PLXNC1: variants seen among roughly 807,000 people sequenced by gnomAD.
The protein encoded by PLXNC1 is plexin C1.
Under a neutral mutation model 178.2 loss-of-function variants are expected in PLXNC1, and 75 were observed. That is an observed-to-expected ratio of 0.42 (90% CI 0.35 to 0.51). PLXNC1 has a LOEUF of 0.51. PLXNC1 is among the 20% of genes least tolerant of loss of function. The pLI is 0.02. For missense variants in PLXNC1, 1,503 were observed against 1,984.4 expected (o/e 0.76, Z 4.61); for synonymous variants, 790 against 779.9 (o/e 1.01, Z -0.22).
At chr12:94,176,879 A>G (rs572790393) in intron 2 of PLXNC1, among the ~76,000 whole-genome samples, 26 of 152,022 alleles carry the variant, frequency 1.7e-4, no homozygotes, top group African/African-American at 6.0e-4. Flanking sequence ...TACATATTTC[A>G]TATAACTTTA....
At chr12:94,182,012 C>T (rs1349159475) in intron 3 of PLXNC1, among the ~76,000 whole-genome samples, 1 of 152,058 alleles carries the variant, frequency 6.6e-6, no homozygotes, top group Admixed American at 6.5e-5. Flanking sequence ...TATGGTACTC[C>T]CCCTCCCCCT....
intron 9 of PLXNC1, among the ~76,000 whole-genome samples, chr12:94,231,269 G>A (rs1050074489): frequency 6.6e-6 from 1 of 152,160 alleles, no homozygotes; most frequent in Non-Finnish European, 1.5e-5. Flanking sequence ...GGTATTTGAA[G>A]CAGAGGAACC....
chr12:94,154,425 T>G (rs761877008), intron 1 of PLXNC1, among the ~76,000 whole-genome samples: 3 of 152,214 alleles, frequency 2.0e-5, no homozygotes, highest in Non-Finnish European at 4.4e-5. Context: ...ACACGGCATT[T>G]TCTATGGGTC....
At chr12:94,178,885 A>T (rs938862817) in intron 2 of PLXNC1, among the ~76,000 whole-genome samples, 16 of 152,174 alleles carry the variant, frequency 1.1e-4, no homozygotes, top group Admixed American at 1.0e-3. Context: ...TTAGGACCTA[A>T]CTGCTTCTGT....
intron 15 of PLXNC1, chr12:94,254,481 C>T (rs1964786278): frequency 9.5e-6 from 5 of 525,122 alleles, no homozygotes; most frequent in Non-Finnish European, 1.8e-5. Flanking sequence ...ACGTTTCAGC[C>T]AACTGGGATC....
At chr12:94,163,411 G>A (rs1961467209) in intron 1 of PLXNC1, among the ~76,000 whole-genome samples, 1 of 152,016 alleles carries the variant, frequency 6.6e-6, no homozygotes, top group African/African-American at 2.4e-5. Context: ...CACGCTATCT[G>A]CCATTCATAT....
rs1377784242 is a variant in PLXNC1, at chr12:94,307,052, C to CTACTT, written c.*1770_*1774dup. On this transcript the variant is annotated 3_prime_UTR_variant, in exon 31 of 31. Coordinates refer to ENST00000258526, the MANE Select transcript of PLXNC1 (RefSeq NM_005761.3). ...AGAGTTGCCCAAAAGACTTCCCCTACTACTTTAGGGTACTGAAAACTCAAA... is the reference window on the plus strand; with the variant it reads ...AGAGTTGCCCAAAAGACTTCCCCTACTACTTTACTTTAGGGTACTGAAAACTCAAA... 6.6e-6 allele frequency: 1 copy of CTACTT among 152,150 alleles called. No homozygotes were observed. The highest frequency in any genetic ancestry group is 1.5e-5 in the Non-Finnish European group (1 of 68,028). 9.4% of individuals were successfully genotyped at this position (152,150 alleles called of 1,614,324 possible).
chr12:94,250,315 T>C (rs1038216163), intron 14 of PLXNC1, among the ~76,000 whole-genome samples: 4 of 152,122 alleles, frequency 2.6e-5, no homozygotes, highest in African/African-American at 9.7e-5. Context: ...TGAGCTGACT[T>C]ATTCAGATGA....
intron 3 of PLXNC1, among the ~76,000 whole-genome samples, chr12:94,183,306 A>C (rs1357596997): frequency 6.6e-6 from 1 of 152,220 alleles, no homozygotes; most frequent in Non-Finnish European, 1.5e-5. Context: ...CAAAATGACC[A>C]CACTGAGATG....
intron 1 of PLXNC1, among the ~76,000 whole-genome samples, chr12:94,156,580 C>T (rs1180236985): frequency 6.6e-6 from 1 of 151,692 alleles, no homozygotes; most frequent in Non-Finnish European, 1.5e-5. Flanking sequence ...TGGATTCAAG[C>T]GATTCTCCTG....
At chr12:94,157,874 G>T (rs1352885412) in intron 1 of PLXNC1, among the ~76,000 whole-genome samples, 1 of 152,202 alleles carries the variant, frequency 6.6e-6, no homozygotes, top group Admixed American at 6.5e-5. Context: ...TGAGCAGGTA[G>T]GGCTGTGTTC....
rs1962039293 is a variant in PLXNC1, at chr12:94,176,091, C to G, written c.1204-5355C>G. 3.3e-5 allele frequency among the ~76,000 whole-genome samples: 5 copies of G among 152,068 alleles called. No individual in the cohort carries two copies. In the South Asian group the frequency reaches 1.0e-3, roughly 32 times the overall value. ...TGGAAGATAAAAATCCACATCGTGC[C>G]CAAGGATTGTGTGTGTGAATTGGAT... On this transcript the variant is annotated intron_variant, in intron 2 of 30. Transcript: ENST00000258526.
intron 4 of PLXNC1, among the ~76,000 whole-genome samples, chr12:94,189,192 C>T (rs1446947168): frequency 6.6e-6 from 1 of 152,090 alleles, no homozygotes; most frequent in African/African-American, 2.4e-5. Flanking sequence ...GGGGGCTTTG[C>T]CGGAAAATAC....
chr12:94,267,636 C>T (rs967600050), intron 21 of PLXNC1, among the ~76,000 whole-genome samples: 6 of 152,158 alleles, frequency 3.9e-5, no homozygotes, highest in East Asian at 1.9e-4. Context: ...ATTGTTAGTG[C>T]CTCTTATGGG....
intron 5 of PLXNC1, among the ~76,000 whole-genome samples, chr12:94,213,058 A>G (rs1963539331): frequency 6.6e-6 from 1 of 152,320 alleles, no homozygotes; most frequent in South Asian, 2.1e-4. Context: ...TCATGGATGG[A>G]CATTTGGGTT....
At chr12:94,197,437 T>TTC (rs61069982) in intron 4 of PLXNC1, among the ~76,000 whole-genome samples, 3,532 of 148,594 alleles carry the variant, frequency 0.024, 49 homozygotes, top group Non-Finnish European at 0.03. Flanking sequence ...TTAGGCCCCT[T>TTC]TCTCTCTCTC....
At chr12:94,243,216 C>T (rs1964438269) in intron 11 of PLXNC1, among the ~76,000 whole-genome samples, 1 of 152,226 alleles carries the variant, frequency 6.6e-6, no homozygotes, top group Non-Finnish European at 1.5e-5. Context: ...TCATCAGGGG[C>T]TCAGCTGGCT....
Position 94,243,962 on chromosome 12 carries a change from G to C in PLXNC1, c.2325G>C (p.Met775Ile). 6.3e-7 allele frequency: 1 copy of C among 1,597,296 alleles called. No homozygotes were observed. Residue 775 changes from methionine to isoleucine, a missense_variant, in exon 12 of 31, where the codon ATG (methionine) becomes ATC (isoleucine). Met to Ile is a conservative substitution (Grantham distance 10, BLOSUM62 1). This residue lies in a region of PLXNC1 where 639 missense variants were observed against 979.7 expected (regional missense o/e 0.65). Transcript: ENST00000258526. ...GTGGTGGTCAAAATATAACCATGAT[G>C]GGCAGAAATTTTGATGTAATTGACA... Reference protein sequence around the residue: ...WISGGQNITMMGRNFDVIDNL... With the variant: ...WISGGQNITMIGRNFDVIDNL...
At chr12:94,233,253 T>C (rs1964157212) in intron 9 of PLXNC1, among the ~76,000 whole-genome samples, 1 of 152,152 alleles carries the variant, frequency 6.6e-6, no homozygotes, top group African/African-American at 2.4e-5. Context: ...GTGAGGCAAC[T>C]GAGGCCCTGG....
Sources: gnomAD v4.1 joint callset for allele counts (sites outside exome capture counted in the v4.1 genomes callset) on GRCh38, gnomAD v4.1.1 for gene constraint, gnomAD v4.1.1 regional missense constraint, MANE v1.5 for transcripts, NCBI Gene and HGNC (gene_info 2026-07-23, HGNC 2026-07-21) for gene names.